ATL3: variants seen among roughly 807,000 people sequenced by gnomAD.
The protein encoded by ATL3 is atlastin-3.
Under a neutral mutation model 69.5 loss-of-function variants are expected in ATL3, and 49 were observed. The observed-to-expected ratio is 0.71, with a 90% CI of 0.56 to 0.89. The LOEUF (loss-of-function observed/expected upper bound fraction) is 0.89. Ranked by LOEUF, ATL3 falls within the 40% of genes least tolerant of loss-of-function variation. ATL3 has a pLI of 0.00. For synonymous variants in ATL3, 214 were observed against 224.1 expected (o/e 0.95, Z 0.40); for missense variants, 606 against 645.7 (o/e 0.94, Z 0.67).
intron 12 of ATL3, among the ~76,000 whole-genome samples, chr11:63,629,628 G>T (rs1939239622): frequency 6.6e-6 from 1 of 152,182 alleles, no homozygotes; most frequent in Non-Finnish European, 1.5e-5. Flanking sequence ...AGCTCCTGTG[G>T]CTTCACAAGC....
chr11:63,670,605 A>G (rs1242851137), intron 1 of ATL3: 1 of 152,224 alleles, frequency 6.6e-6, no homozygotes, highest in Non-Finnish European at 1.5e-5. Flanking sequence ...ACTATGTTTC[A>G]TGTCTTCGGG....
rs986454442 is a variant in ATL3 at position 63,628,345 on chromosome 11, T to G, written c.*974A>C. ...AAAAAAAAAAAAAAAATAGAGCAAG[T>G]TGCAACAAAACTGTCAGCCTACTGG... On this transcript the variant is annotated 3_prime_UTR_variant, in exon 13 of 13. Transcript: ENST00000398868. 1 of 151,456 alleles carries G rather than the reference T, an allele frequency of 6.6e-6. No homozygotes were observed. The allele number at this position is 151,456 out of a possible 1,614,324, so 9.4% of individuals were successfully genotyped here. A position where few individuals can be genotyped will look rare whatever the true frequency, so the allele number is the denominator to read the frequency against.
In ATL3 at chr11:63,627,913, CATT is replaced by C. The variant is rs1295770616; in HGVS notation, c.*1403_*1405del. On this transcript the variant is annotated 3_prime_UTR_variant, in exon 13 of 13. Transcript: ENST00000398868. ...AAATAAAATGGGTTAATTTTAGCTT[CATT>C]ATTAAGAACATTAGACACGGCAGAG... 2 of 152,160 alleles carry C rather than the reference CATT, an allele frequency of 1.3e-5. No homozygotes were observed. Among genetic ancestry groups the C allele is most frequent in the African/African-American group, 4.8e-5 (2 of 41,434 alleles). 9.4% of individuals were successfully genotyped at this position (152,160 alleles called of 1,614,324 possible).
chr11:63,661,532 C>T (rs1940418918), intron 1 of ATL3, among the ~76,000 whole-genome samples: 1 of 152,014 alleles, frequency 6.6e-6, no homozygotes, highest in Non-Finnish European at 1.5e-5. Flanking sequence ...TTGCTTGAGG[C>T]CAGGAGTTCA....
Position 63,631,095 on chromosome 11 carries a change from T to C in ATL3, c.1484A>G (p.Gln495Arg). The C allele has an allele frequency of 6.2e-7, 1 of 1,614,126 alleles. No homozygotes were observed. Among genetic ancestry groups the C allele is most frequent in the African/African-American group, 1.3e-5 (1 of 75,024 alleles). ...LTWGYIRYSG[Q>R]YRELGGAIDF... ...AATAGCTCCGCCCAGCTCACGATAT[T>C]GACCAGAATACCTGATGTAGCCCCA... Residue 495 changes from glutamine (Q) to arginine (R), a missense_variant, in exon 12 of 13, where the codon CAA becomes CGA. Coordinates refer to ENST00000398868, the MANE Select transcript of ATL3 (RefSeq NM_015459.5).
At chr11:63,653,598 C>T (rs1050072967) in intron 3 of ATL3, among the ~76,000 whole-genome samples, 1 of 152,142 alleles carries the variant, frequency 6.6e-6, no homozygotes, top group African/African-American at 2.4e-5. Context: ...CCAAGATGTC[C>T]TTCAACAGGC....
chr11:63,658,448 T>C (rs1940324973), intron 3 of ATL3, among the ~76,000 whole-genome samples: 1 of 152,146 alleles, frequency 6.6e-6, no homozygotes, highest in Non-Finnish European at 1.5e-5. Context: ...TACTGCTAGG[T>C]ACAAACAAAA....
At chr11:63,670,729 G>C (rs1476116402) in intron 1 of ATL3, among the ~76,000 whole-genome samples, 1 of 152,250 alleles carries the variant, frequency 6.6e-6, no homozygotes, top group Non-Finnish European at 1.5e-5. Flanking sequence ...AATACTTGTG[G>C]TCAGTGCCTC....
intron 3 of ATL3, among the ~76,000 whole-genome samples, chr11:63,654,207 C>T (rs1940169676): frequency 6.8e-6 from 1 of 147,812 alleles, no homozygotes; most frequent in African/African-American, 2.5e-5. Context: ...AGTGCAGTGG[C>T]GCGATCTCGG....
At chr11:63,671,507 G>C, upstream of ATL3, 1 of 1,447,254 alleles carries the variant, frequency 6.9e-7, no homozygotes, top group Non-Finnish European at 9.1e-7. Flanking sequence ...AGCGCGGTCT[G>C]CGTGGCCCAA....
Position 63,658,873 on chromosome 11 carries a change from T to A in ATL3, c.293A>T (p.Asp98Val). 1 of 1,607,802 alleles carries A rather than the reference T, an allele frequency of 6.2e-7. No individual in the cohort carries two copies. The highest frequency in any genetic ancestry group is 8.5e-7 in the Non-Finnish European group (1 of 1,178,150). Residue 98 changes from aspartate (D) to valine (V), a missense_variant, in exon 3 of 13, where the codon GAC (aspartate) becomes GTC (valine). Transcript: ENST00000398868. ...AAATCCTGTTAACGGTTCTTCTGGG[T>A]CACCCAACCAATTTGAATGGCCACT... is the stretch of plus-strand genomic sequence containing the variant. Reference protein sequence around the residue: ...KESGHSNWLGDPEEPLTGFSW... With the variant: ...KESGHSNWLGVPEEPLTGFSW...
intron 5 of ATL3, among the ~76,000 whole-genome samples, chr11:63,647,275 C>A (rs368968333): frequency 2.9e-4 from 44 of 152,142 alleles, no homozygotes; most frequent in African/African-American, 9.7e-4. Flanking sequence ...CTCATCGCAA[C>A]CTCCGCCTCC....
At chr11:63,640,643 C>T (rs369646162) in intron 8 of ATL3, among the ~76,000 whole-genome samples, 1 of 109,450 alleles carries the variant, frequency 9.1e-6, no homozygotes, top group Non-Finnish European at 1.7e-5. Context: ...TTGCTCTTGT[C>T]GCCCAGGCTG....
chr11:63,658,925 T>C (rs1415034675), intron 2 of ATL3, 21 bp from the exon 3 acceptor site: 1 of 1,585,720 alleles, frequency 6.3e-7, no homozygotes, highest in South Asian at 1.2e-5. Flanking sequence ...AAGAAATTTC[T>C]ATTAAATCTT....
chr11:63,633,221 A>G, intron 10 of ATL3, 124 bp from the exon 11 acceptor site: 1 of 756,154 alleles, frequency 1.3e-6, no homozygotes, highest in Non-Finnish European at 2.2e-6. Flanking sequence ...ATTTTTCTAG[A>G]TTTCCATATA....
At chr11:63,643,118 G>A (rs1481773781) in intron 8 of ATL3, among the ~76,000 whole-genome samples, 1 of 152,192 alleles carries the variant, frequency 6.6e-6, no homozygotes, top group Non-Finnish European at 1.5e-5. Context: ...GAACCATAAT[G>A]AGTCTCTTTA....
intron 3 of ATL3, among the ~76,000 whole-genome samples, chr11:63,654,529 C>G (rs1433523483): frequency 6.6e-6 from 1 of 151,672 alleles, no homozygotes; most frequent in Non-Finnish European, 1.5e-5. Flanking sequence ...TCCCGAGTAG[C>G]TGGGATTACA....
chr11:63,649,231 A>T (rs1045219401), intron 5 of ATL3, among the ~76,000 whole-genome samples: 3 of 152,196 alleles, frequency 2.0e-5, no homozygotes, highest in Non-Finnish European at 4.4e-5. Context: ...TATTTACCCC[A>T]TTTTATTGGT....
chr11:63,645,419 GAAAAGA>G (rs1168630987), intron 6 of ATL3, among the ~76,000 whole-genome samples: 1 of 151,718 alleles, frequency 6.6e-6, no homozygotes, highest in African/African-American at 2.4e-5. Flanking sequence ...AAATAAATTA[GAAAAGA>G]AAAGAAATAA....
Sources: gnomAD v4.1 joint callset for allele counts (sites outside exome capture counted in the v4.1 genomes callset) on GRCh38, gnomAD v4.1.1 for gene constraint, MANE v1.5 for transcripts, NCBI Gene and HGNC (gene_info 2026-07-23, HGNC 2026-07-21) for gene names.